CADPS: variants seen among roughly 807,000 people sequenced by gnomAD.
The protein encoded by CADPS is calcium dependent secretion activator.
A neutral mutation model predicts 167.3 loss-of-function variants in CADPS; 57 were observed. The observed-to-expected ratio is 0.34, with a 90% CI of 0.28 to 0.42. The LOEUF is 0.42. CADPS is among the 20% of genes least tolerant of loss of function. The pLI, the probability that CADPS is intolerant of heterozygous loss-of-function variation, is 1.00. For synonymous variants in CADPS, 676 were observed against 635.3 expected (o/e 1.06, Z -0.96); for missense variants, 1,414 against 1,738.1 (o/e 0.81, Z 3.32).
At chr3:62,704,357 G>A (rs1419860289) in intron 3 of CADPS, among the ~76,000 whole-genome samples, 1 of 152,064 alleles carries the variant, frequency 6.6e-6, no homozygotes, top group East Asian at 1.9e-4. Context: ...GTAAATTATA[G>A]CTGTGAGATG....
intron 6 of CADPS, among the ~76,000 whole-genome samples, chr3:62,615,691 T>C (rs1231831): frequency 0.3 from 45,970 of 151,920 alleles, 7,770 homozygotes; most frequent in Non-Finnish European, 0.38. Flanking sequence ...ACCCGATGGA[T>C]ACAAGGTCAA....
At chr3:62,638,824 T>C (rs1356141636) in intron 6 of CADPS, among the ~76,000 whole-genome samples, 1 of 152,156 alleles carries the variant, frequency 6.6e-6, no homozygotes, top group East Asian at 1.9e-4. Context: ...TTGGATGAAA[T>C]AATTATAGAA....
intron 3 of CADPS, among the ~76,000 whole-genome samples, chr3:62,751,331 T>C (rs1262675419): frequency 6.6e-6 from 1 of 152,248 alleles, no homozygotes; most frequent in Non-Finnish European, 1.5e-5. Flanking sequence ...ATATGTTCTT[T>C]TGCCCTAATT....
chr3:62,776,489 C>T (rs1576259103), intron 1 of CADPS, among the ~76,000 whole-genome samples: 1 of 152,094 alleles, frequency 6.6e-6, no homozygotes, highest in African/African-American at 2.4e-5. Context: ...CCCGTCTCTA[C>T]TAAAAATACA....
At chr3:62,555,858 A>G (rs1353104626) in intron 10 of CADPS, among the ~76,000 whole-genome samples, 1 of 152,066 alleles carries the variant, frequency 6.6e-6, no homozygotes, top group African/African-American at 2.4e-5. Flanking sequence ...CTCCCACCTT[A>G]GCCTCCCTAG....
At chr3:62,782,574 T>G (rs957603104) in intron 1 of CADPS, among the ~76,000 whole-genome samples, 1 of 152,148 alleles carries the variant, frequency 6.6e-6, no homozygotes, top group Admixed American at 6.5e-5. Flanking sequence ...AATGGCTTCA[T>G]GAGTCAGATT....
chr3:62,431,737 T>G (rs1055731329), intron 28 of CADPS, among the ~76,000 whole-genome samples: 2 of 151,900 alleles, frequency 1.3e-5, no homozygotes, highest in East Asian at 3.9e-4. Flanking sequence ...TAAAGAATAT[T>G]TTGGGGACAA....
intron 26 of CADPS, among the ~76,000 whole-genome samples, chr3:62,453,132 C>A (rs189395496): frequency 3.0e-4 from 45 of 152,108 alleles, no homozygotes; most frequent in Admixed American, 2.5e-3. Context: ...GACCCTATCT[C>A]TAAATAATAA....
chr3:62,829,146 C>T (rs1232031917), intron 1 of CADPS, among the ~76,000 whole-genome samples: 3 of 151,988 alleles, frequency 2.0e-5, no homozygotes, highest in Non-Finnish European at 4.4e-5. Context: ...CCTTGGTTTC[C>T]CAGCATAAAA....
chr3:62,580,410 G>A (rs186929111), intron 8 of CADPS, among the ~76,000 whole-genome samples: 137 of 152,158 alleles, frequency 9.0e-4, no homozygotes, highest in Non-Finnish European at 1.1e-3. Context: ...CACAGGAAAG[G>A]GAACATCACA....
chr3:62,818,488 A>T (rs140643902), intron 1 of CADPS, among the ~76,000 whole-genome samples: 47 of 152,332 alleles, frequency 3.1e-4, no homozygotes, highest in African/African-American at 1.1e-3. Flanking sequence ...AAACTACCAT[A>T]AGATACCACT....
At chr3:62,578,916 C>A (rs905461138) in intron 8 of CADPS, among the ~76,000 whole-genome samples, 1 of 151,890 alleles carries the variant, frequency 6.6e-6, no homozygotes, top group East Asian at 1.9e-4. Flanking sequence ...AGAGTCTGTA[C>A]CAAAAAGCAT....
rs915665585 is a variant in CADPS at position 62,445,750 on chromosome 3, T to C, written c.3669+15A>G. ...AACAAAAAAACCCCATGAGAAACAA[T>C]TTTCAAATACTCACAGGTACATCCA... On this transcript the variant is annotated intron_variant, in intron 27 of 29. Coordinates refer to ENST00000383710, the MANE Select transcript of CADPS (RefSeq NM_003716.4). 7.1e-7 allele frequency: 1 copy of C among 1,401,344 alleles called. No individual in the cohort carries two copies. Among genetic ancestry groups the C allele is most frequent in the Non-Finnish European group, 9.6e-7 (1 of 1,044,472 alleles). 86.8% of individuals were successfully genotyped at this position (1,401,344 alleles called of 1,614,324 possible).
chr3:62,714,551 T>C (rs1268636232), intron 3 of CADPS, among the ~76,000 whole-genome samples: 1 of 152,156 alleles, frequency 6.6e-6, no homozygotes, highest in Non-Finnish European at 1.5e-5. Context: ...GAAGGTCATT[T>C]GGTGTAAAGC....
At chr3:62,535,180 C>T (rs980991501) in intron 12 of CADPS, among the ~76,000 whole-genome samples, 3 of 151,166 alleles carry the variant, frequency 2.0e-5, no homozygotes, top group Non-Finnish European at 4.4e-5. Flanking sequence ...TTGTACAAAA[C>T]ACATTTGAGA....
At chr3:62,833,645 A>G (rs915945271) in intron 1 of CADPS, among the ~76,000 whole-genome samples, 1 of 152,052 alleles carries the variant, frequency 6.6e-6, no homozygotes, top group African/African-American at 2.4e-5. Flanking sequence ...ATTAAAGAAC[A>G]AGAGTTTTCA....
rs1343488908 is a variant in CADPS, at chr3:62,398,412, C to A, written c.*994G>T. 1 of 152,520 alleles carries A rather than the reference C, an allele frequency of 6.6e-6. No individual in the cohort carries two copies. The highest frequency in any genetic ancestry group is 1.5e-5 in the Non-Finnish European group (1 of 68,034). 9.4% of individuals were successfully genotyped at this position (152,520 alleles called of 1,614,324 possible). On this transcript the variant is annotated 3_prime_UTR_variant, in exon 30 of 30. Coordinates refer to ENST00000383710, the MANE Select transcript of CADPS (RefSeq NM_003716.4). ...TTTTCCACACTTCCATAACTGTAGG[C>A]TTTATATAAGGCAAAAGCAAGATGG...
intron 7 of CADPS, among the ~76,000 whole-genome samples, chr3:62,589,538 G>A (rs1296734417): frequency 6.6e-6 from 1 of 152,198 alleles, no homozygotes; most frequent in Non-Finnish European, 1.5e-5. Flanking sequence ...TAGCCCTGGA[G>A]ATGAGGCAAC....
At chr3:62,442,745 C>G (rs1357311275) in intron 27 of CADPS, among the ~76,000 whole-genome samples, 2 of 152,130 alleles carry the variant, frequency 1.3e-5, no homozygotes, top group Non-Finnish European at 2.9e-5. Flanking sequence ...CAACTGACAG[C>G]ACCTGATAGT....
Sources: allele counts gnomAD v4.1 joint callset (sites outside exome capture counted in the v4.1 genomes callset), GRCh38; gene constraint gnomAD v4.1.1; transcripts MANE v1.5; gene names NCBI Gene and HGNC (gene_info 2026-07-23, HGNC 2026-07-21).